Variants in CNTNAP5 observed in about 807,000 individuals in gnomAD.
The protein encoded by CNTNAP5 is contactin-associated protein-like 5.
Under a neutral mutation model 150.2 loss-of-function variants are expected in CNTNAP5, and 72 were observed. The observed-to-expected ratio is 0.48, with a 90% CI of 0.40 to 0.58. The LOEUF is 0.58. CNTNAP5 is among the 20% of genes least tolerant of loss of function. The pLI is 0.00. For missense variants in CNTNAP5, 1,636 were observed against 1,626.2 expected (o/e 1.01, Z -0.10); for synonymous variants, 672 against 619.8 (o/e 1.08, Z -1.25).
intron 1 of CNTNAP5, among the ~76,000 whole-genome samples, chr2:124,035,910 C>CTTTTTTTTTTT (rs759598012): frequency 1.3e-5 from 1 of 76,528 alleles, no homozygotes; most frequent in African/African-American, 5.7e-5. Flanking sequence ...AGGATGAACT[C>CTTTTTTTTTTT]TTTTTTTTTT....
At chr2:124,689,855 C>A (rs1490165030) in intron 13 of CNTNAP5, among the ~76,000 whole-genome samples, 1 of 152,060 alleles carries the variant, frequency 6.6e-6, no homozygotes, top group Non-Finnish European at 1.5e-5. Flanking sequence ...CTTCTTTTCT[C>A]TCCCATTTTG....
chr2:124,353,286 CAAAAAAAAAAAAAA>C (rs565907115), intron 3 of CNTNAP5, among the ~76,000 whole-genome samples: 1 of 88,262 alleles, frequency 1.1e-5, no homozygotes, highest in African/African-American at 4.3e-5. Flanking sequence ...AAAAACAGAC[CAAAAAAAAAAAAAA>C]AAAAAAAAAG....
chr2:124,378,555 C>T (rs1690710879), intron 3 of CNTNAP5, among the ~76,000 whole-genome samples: 1 of 151,966 alleles, frequency 6.6e-6, no homozygotes, highest in Non-Finnish European at 1.5e-5. Flanking sequence ...CTTAAAATTA[C>T]ATTGTATGGT....
At chr2:124,145,517 C>A (rs1573788689) in intron 1 of CNTNAP5, among the ~76,000 whole-genome samples, 1 of 23,700 alleles carries the variant, frequency 4.2e-5, no homozygotes, top group Non-Finnish European at 8.1e-5. Flanking sequence ...AATTGGAAAC[C>A]ATCATTCTCA....
intron 3 of CNTNAP5, among the ~76,000 whole-genome samples, chr2:124,274,977 T>TTA (rs1193752504): frequency 1.3e-5 from 2 of 152,104 alleles, no homozygotes; most frequent in Non-Finnish European, 2.9e-5. Context: ...TACAGTTCCA[T>TTA]ATGGCTGGGG....
chr2:124,839,734 T>G (rs1320126598), intron 19 of CNTNAP5, among the ~76,000 whole-genome samples: 1 of 152,106 alleles, frequency 6.6e-6, no homozygotes, highest in Non-Finnish European at 1.5e-5. Flanking sequence ...CCCTTTAGCA[T>G]CTGACCCAGC....
At chr2:124,706,011 C>A (rs1473434998) in intron 13 of CNTNAP5, among the ~76,000 whole-genome samples, 1 of 152,108 alleles carries the variant, frequency 6.6e-6, no homozygotes, top group Non-Finnish European at 1.5e-5. Flanking sequence ...TCATTCTGCC[C>A]AGGTCTCATC....
At chr2:124,878,907 T>C (rs1246627138) in intron 21 of CNTNAP5, among the ~76,000 whole-genome samples, 2 of 151,992 alleles carry the variant, frequency 1.3e-5, no homozygotes, top group Non-Finnish European at 2.9e-5. Context: ...GATCTCAAAC[T>C]CCTGACCTCC....
At chr2:124,227,876 C>A (rs1170613) in intron 2 of CNTNAP5, among the ~76,000 whole-genome samples, 2 of 151,262 alleles carry the variant, frequency 1.3e-5, no homozygotes, top group Non-Finnish European at 2.9e-5. Context: ...ACAGAACCAA[C>A]GGGATATATA....
chr2:124,574,005 T>G (rs1006530105), intron 11 of CNTNAP5, among the ~76,000 whole-genome samples: 1 of 152,212 alleles, frequency 6.6e-6, no homozygotes, highest in African/African-American at 2.4e-5. Flanking sequence ...AGTTTAGAAA[T>G]ACTTTTTCAT....
At chr2:124,236,957 G>T (rs374233183) in intron 2 of CNTNAP5, among the ~76,000 whole-genome samples, 3 of 151,998 alleles carry the variant, frequency 2.0e-5, no homozygotes, top group African/African-American at 7.2e-5. Context: ...ATGAAACCCC[G>T]TCTCTACTAA....
At chr2:124,201,454 T>C (rs1194463363) in intron 1 of CNTNAP5, among the ~76,000 whole-genome samples, 3 of 152,160 alleles carry the variant, frequency 2.0e-5, no homozygotes, top group Non-Finnish European at 4.4e-5. Flanking sequence ...CTCAACACAA[T>C]CATGCTAAGA....
At chr2:124,597,271 C>T (rs1011831981) in intron 11 of CNTNAP5, among the ~76,000 whole-genome samples, 8 of 150,080 alleles carry the variant, frequency 5.3e-5, no homozygotes, top group South Asian at 4.3e-4. Flanking sequence ...GATTTTGCAG[C>T]GGCTGGTACC....
At chr2:124,274,147 G>GT (rs1687826676) in intron 3 of CNTNAP5, among the ~76,000 whole-genome samples, 1 of 152,046 alleles carries the variant, frequency 6.6e-6, no homozygotes, top group African/African-American at 2.4e-5. Flanking sequence ...GTTTTGCTTT[G>GT]TTTTTGTATT....
At chr2:124,368,751 G>A (rs1219346706) in intron 3 of CNTNAP5, among the ~76,000 whole-genome samples, 3 of 152,086 alleles carry the variant, frequency 2.0e-5, no homozygotes, top group African/African-American at 7.2e-5. Context: ...CTGGGGGTGG[G>A]AGGCCTGGTT....
intron 11 of CNTNAP5, among the ~76,000 whole-genome samples, chr2:124,588,196 CTT>C: frequency 8.7e-6 from 1 of 114,314 alleles, no homozygotes; most frequent in Admixed American, 1.0e-4. Context: ...TTCTTTCTTT[CTT>C]TCTTTCTTTC....
intron 21 of CNTNAP5, among the ~76,000 whole-genome samples, chr2:124,884,111 T>C (rs886572689): frequency 7.2e-5 from 11 of 152,150 alleles, no homozygotes; most frequent in Non-Finnish European, 1.0e-4. Context: ...TACATGTGTG[T>C]ACCTATATGT....
At chr2:124,271,566 GTC>G (rs1687752221) in intron 3 of CNTNAP5, among the ~76,000 whole-genome samples, 1 of 152,258 alleles carries the variant, frequency 6.6e-6, no homozygotes, top group South Asian at 2.1e-4. Flanking sequence ...TCTGATCAGG[GTC>G]TCTCTGAAGT....
intron 13 of CNTNAP5, among the ~76,000 whole-genome samples, chr2:124,734,326 G>C (rs777569986): frequency 2.2e-4 from 33 of 152,068 alleles, no homozygotes; most frequent in Admixed American, 5.2e-4. Flanking sequence ...AATGAAAAGT[G>C]AGCATGAGAG....
Sources: allele counts gnomAD v4.1 joint callset (sites outside exome capture counted in the v4.1 genomes callset), GRCh38; gene constraint gnomAD v4.1.1; transcripts MANE v1.5; gene names NCBI Gene and HGNC (gene_info 2026-07-23, HGNC 2026-07-21).